The following GRM1 variants were observed in gnomAD, a reference collection of about 807,000 sequenced individuals.
GRM1 encodes the protein glutamate metabotropic receptor 1, also known as metabotropic glutamate receptor 1.
Under a neutral mutation model 90.9 loss-of-function variants are expected in GRM1, and 33 were observed. The ratio of observed to expected loss-of-function variants is 0.36; its 90% CI spans 0.28 to 0.49. The LOEUF (loss-of-function observed/expected upper bound fraction) is 0.49, where lower values mean the gene tolerates loss of function less well. GRM1 is among the 20% of genes least tolerant of loss of function. The probability of loss-of-function intolerance (pLI) is 0.99; values close to 1 mark genes in which losing one functional copy is unlikely to be tolerated. For synonymous variants in GRM1, 700 were observed against 613.2 expected (o/e 1.14, Z -2.09); for missense variants, 1,190 against 1,534.3 (o/e 0.78, Z 3.75).
At chr6:146,190,049 G>T (rs1310677889) in intron 2 of GRM1, among the ~76,000 whole-genome samples, 2 of 152,170 alleles carry the variant, frequency 1.3e-5, no homozygotes, top group South Asian at 4.1e-4. Context: ...GTGGAGTTCA[G>T]TATCCACTGG....
chr6:146,347,118 T>C (rs1315812976), intron 3 of GRM1, among the ~76,000 whole-genome samples: 1 of 152,240 alleles, frequency 6.6e-6, no homozygotes, highest in African/African-American at 2.4e-5. Context: ...AAACATTCTT[T>C]CAATATTTTT....
chr6:146,140,909 C>T (rs1188812183), intron 1 of GRM1, among the ~76,000 whole-genome samples: 17 of 152,154 alleles, frequency 1.1e-4, no homozygotes, highest in African/African-American at 3.9e-4. Context: ...GTCGTTTACA[C>T]ACCACCATTA....
chr6:146,231,019 C>T (rs1780433340), intron 2 of GRM1, among the ~76,000 whole-genome samples: 1 of 151,984 alleles, frequency 6.6e-6, no homozygotes, highest in Non-Finnish European at 1.5e-5. Context: ...GAGGGATGAA[C>T]AGGAAGAACA....
chr6:146,040,550 T>G (rs930663917), intron 1 of GRM1, among the ~76,000 whole-genome samples: 1 of 151,982 alleles, frequency 6.6e-6, no homozygotes, highest in Non-Finnish European at 1.5e-5. Flanking sequence ...GTATTCTCAG[T>G]TGACAATTTC....
At chr6:146,127,723 A>C (rs1212757047) in intron 1 of GRM1, among the ~76,000 whole-genome samples, 1 of 152,220 alleles carries the variant, frequency 6.6e-6, no homozygotes, top group Non-Finnish European at 1.5e-5. Context: ...ATCTTCAGCA[A>C]GATTTCAATC....
intron 1 of GRM1, among the ~76,000 whole-genome samples, chr6:146,038,502 G>A (rs1001832051): frequency 6.6e-5 from 10 of 152,038 alleles, no homozygotes; most frequent in Non-Finnish European, 1.0e-4. Flanking sequence ...TTGTTGTCAT[G>A]CTATTCTAAC....
At chr6:146,173,455 AAAAG>A (rs1778216638) in intron 2 of GRM1, among the ~76,000 whole-genome samples, 1 of 151,640 alleles carries the variant, frequency 6.6e-6, no homozygotes, top group Non-Finnish European at 1.5e-5. Context: ...AGAAAAGAAA[AAAAG>A]AAACTCTTGA....
chr6:146,046,550 G>A (rs1582923039), intron 1 of GRM1, among the ~76,000 whole-genome samples: 3 of 152,030 alleles, frequency 2.0e-5, no homozygotes, highest in South Asian at 4.1e-4. Context: ...CTCTTTGTAG[G>A]TGGGCTTGAA....
At chr6:146,377,085 G>C (rs186889452) in intron 5 of GRM1, among the ~76,000 whole-genome samples, 2 of 152,012 alleles carry the variant, frequency 1.3e-5, no homozygotes, top group Non-Finnish European at 2.9e-5. Flanking sequence ...ATGTTGCAGT[G>C]GGAGTCCTTT....
intron 2 of GRM1, among the ~76,000 whole-genome samples, chr6:146,244,768 G>T (rs985773247): frequency 6.6e-6 from 1 of 152,134 alleles, no homozygotes; most frequent in African/African-American, 2.4e-5. Context: ...TTATTTCCTA[G>T]CAACCCCTAA....
intron 7 of GRM1, among the ~76,000 whole-genome samples, chr6:146,400,428 C>A (rs1035953111): frequency 6.6e-6 from 1 of 152,032 alleles, no homozygotes; most frequent in African/African-American, 2.4e-5. Flanking sequence ...AAAAAGGGAA[C>A]CAGGTGATAA....
intron 2 of GRM1, among the ~76,000 whole-genome samples, chr6:146,238,563 T>C (rs1053487988): frequency 9.2e-5 from 14 of 152,136 alleles, no homozygotes; most frequent in African/African-American, 3.4e-4. Context: ...GTAGACAGTG[T>C]TCTTCCCACT....
intron 7 of GRM1, among the ~76,000 whole-genome samples, chr6:146,407,248 G>C (rs1442821202): frequency 6.6e-6 from 1 of 152,188 alleles, no homozygotes; most frequent in Non-Finnish European, 1.5e-5. Context: ...ATGGCCCCAG[G>C]ATAATGGAGA....
intron 1 of GRM1, among the ~76,000 whole-genome samples, chr6:146,086,671 C>G (rs1377899220): frequency 6.6e-6 from 1 of 152,032 alleles, no homozygotes; most frequent in East Asian, 1.9e-4. Flanking sequence ...CTGCTCTTCC[C>G]TTCATGAACT....
At chr6:146,373,430 C>T (rs1441186188) in intron 5 of GRM1, among the ~76,000 whole-genome samples, 1 of 152,044 alleles carries the variant, frequency 6.6e-6, no homozygotes, top group African/African-American at 2.4e-5. Context: ...GTGCTACACA[C>T]TTTTGAACAA....
intron 3 of GRM1, among the ~76,000 whole-genome samples, chr6:146,305,075 C>T (rs1783527108): frequency 6.7e-6 from 1 of 148,686 alleles, no homozygotes; most frequent in African/African-American, 2.5e-5. Context: ...TACGAGATAA[C>T]AGAAGTAAAG....
At chr6:146,361,790 C>G (rs765022772) in intron 5 of GRM1, among the ~76,000 whole-genome samples, 1 of 152,228 alleles carries the variant, frequency 6.6e-6, no homozygotes, top group Non-Finnish European at 1.5e-5. Flanking sequence ...TATCATCCCA[C>G]GGACACATGT....
intron 2 of GRM1, among the ~76,000 whole-genome samples, chr6:146,191,879 A>G (rs561962576): frequency 2.6e-5 from 4 of 152,168 alleles, no homozygotes; most frequent in Admixed American, 2.6e-4. Context: ...TTTTGTGCTG[A>G]ATATAAATGG....
intron 2 of GRM1, among the ~76,000 whole-genome samples, chr6:146,182,416 A>C (rs920175429): frequency 6.6e-6 from 1 of 152,090 alleles, no homozygotes; most frequent in Non-Finnish European, 1.5e-5. Flanking sequence ...TTCATCCCTC[A>C]GTTCCCCCCA....
Sources: gnomAD v4.1 joint callset for allele counts (sites outside exome capture counted in the v4.1 genomes callset) on GRCh38, gnomAD v4.1.1 for gene constraint, MANE v1.5 for transcripts, NCBI Gene and HGNC (gene_info 2026-07-23, HGNC 2026-07-21) for gene names.